ACOXL: variants seen among roughly 807,000 people sequenced by gnomAD.
ACOXL encodes the protein acyl-CoA oxidase like, also known as acyl-coenzyme A oxidase-like protein.
A neutral mutation model predicts 71.9 loss-of-function variants in ACOXL; 70 were observed. That is an observed-to-expected ratio of 0.97 (90% CI 0.80 to 1.19). The LOEUF (loss-of-function observed/expected upper bound fraction) is 1.19, where lower values mean the gene tolerates loss of function less well. Among genes scored for constraint, ACOXL ranks in the 50% most tolerant of loss-of-function variants. The pLI, the probability that ACOXL is intolerant of heterozygous loss-of-function variation, is 0.00. For synonymous variants in ACOXL, 253 were observed against 281.6 expected (o/e 0.90, Z 1.02); for missense variants, 703 against 736.3 (o/e 0.95, Z 0.52).
intron 1 of ACOXL, among the ~76,000 whole-genome samples, chr2:110,735,440 T>G (rs905109104): frequency 6.6e-5 from 10 of 152,092 alleles, no homozygotes; most frequent in African/African-American, 2.4e-4. Flanking sequence ...GTGTACATAG[T>G]GAGAAGTTTG....
intron 11 of ACOXL, among the ~76,000 whole-genome samples, chr2:110,920,295 T>G (rs908727330): frequency 3.3e-5 from 5 of 152,228 alleles, no homozygotes; most frequent in African/African-American, 1.2e-4. Context: ...TCTAATAGTT[T>G]GTAGCTTTAC....
At chr2:110,961,389 A>G (rs79139250) in intron 12 of ACOXL, among the ~76,000 whole-genome samples, 1 of 152,192 alleles carries the variant, frequency 6.6e-6, no homozygotes, top group Middle Eastern at 3.2e-3. Flanking sequence ...TTTAGAGACT[A>G]CTGGTGTCTG....
chr2:110,878,030 C>T (rs61544678), intron 10 of ACOXL, among the ~76,000 whole-genome samples: 3,449 of 152,310 alleles, frequency 0.023, 147 homozygotes, highest in African/African-American at 0.078. Flanking sequence ...TTTAAGCAAG[C>T]TCATTTTGAA....
chr2:111,008,962 T>A (rs2064003813), intron 14 of ACOXL, among the ~76,000 whole-genome samples: 1 of 152,194 alleles, frequency 6.6e-6, no homozygotes, highest in South Asian at 2.1e-4. Flanking sequence ...GGTCCATCAA[T>A]TTTGAAGAGT....
chr2:110,759,695 CTA>C (rs1329300719), intron 1 of ACOXL, among the ~76,000 whole-genome samples: 2 of 152,028 alleles, frequency 1.3e-5, no homozygotes, highest in Non-Finnish European at 2.9e-5. Flanking sequence ...GTTTTCCTGA[CTA>C]TTTTTGTTTG....
chr2:110,735,703 T>C (rs1676748532), intron 1 of ACOXL, among the ~76,000 whole-genome samples: 1 of 152,106 alleles, frequency 6.6e-6, no homozygotes, highest in Non-Finnish European at 1.5e-5. Context: ...CTGGCTGCTG[T>C]GCCCGCCCCT....
chr2:110,865,573 A>G (rs1055891498), intron 10 of ACOXL, among the ~76,000 whole-genome samples: 1 of 152,160 alleles, frequency 6.6e-6, no homozygotes, highest in Non-Finnish European at 1.5e-5. Context: ...ATTTCAGGAT[A>G]ATTATATCTA....
At chr2:110,970,653 T>G (rs1010452980) in intron 12 of ACOXL, among the ~76,000 whole-genome samples, 3 of 152,018 alleles carry the variant, frequency 2.0e-5, no homozygotes. Flanking sequence ...AATTAAAACA[T>G]AGAGATTAGA....
intron 10 of ACOXL, among the ~76,000 whole-genome samples, chr2:110,871,199 G>A (rs1573924958): frequency 3.3e-5 from 5 of 152,126 alleles, no homozygotes; most frequent in African/African-American, 1.2e-4. Context: ...AATCCCTTTC[G>A]GTGTGCCTGC....
At chr2:110,973,347 A>C (rs1345555341) in intron 12 of ACOXL, among the ~76,000 whole-genome samples, 1 of 152,252 alleles carries the variant, frequency 6.6e-6, no homozygotes, top group East Asian at 1.9e-4. Flanking sequence ...ATGTGTCAAA[A>C]CCTACCAAGA....
chr2:111,116,931 T>C (rs1837368), intron 17 of ACOXL, among the ~76,000 whole-genome samples: 65,578 of 152,090 alleles, frequency 0.43, 14,631 homozygotes, highest in Non-Finnish European at 0.48. Flanking sequence ...GAATGTCTTA[T>C]CCCTGCCTTC....
intron 16 of ACOXL, among the ~76,000 whole-genome samples, chr2:111,068,849 A>AT (rs1158621211): frequency 7.2e-5 from 11 of 152,278 alleles, no homozygotes; most frequent in East Asian, 3.9e-4. Flanking sequence ...CTGCTGTCAT[A>AT]TTTGATGACA....
intron 9 of ACOXL, among the ~76,000 whole-genome samples, chr2:110,807,038 T>C (rs929866790): frequency 6.6e-6 from 1 of 152,224 alleles, no homozygotes; most frequent in Non-Finnish European, 1.5e-5. Context: ...TCCGTTCTAC[T>C]GGATGTTATC....
intron 14 of ACOXL, among the ~76,000 whole-genome samples, chr2:111,021,044 G>A (rs986568955): frequency 5.3e-5 from 8 of 152,144 alleles, no homozygotes; most frequent in Admixed American, 3.9e-4. Flanking sequence ...TGCACCTCAG[G>A]GGCACGCCTC....
At chr2:111,020,881 A>C (rs962474237) in intron 14 of ACOXL, among the ~76,000 whole-genome samples, 1 of 152,202 alleles carries the variant, frequency 6.6e-6, no homozygotes, top group Non-Finnish European at 1.5e-5. Flanking sequence ...GTAAAAGCAG[A>C]ATGTCTTTCT....
chr2:111,095,935 C>T (rs994154031), intron 17 of ACOXL, among the ~76,000 whole-genome samples: 4 of 152,208 alleles, frequency 2.6e-5, no homozygotes, highest in African/African-American at 9.6e-5. Context: ...CTTCCTTTCC[C>T]ACTGCCACCA....
chr2:111,037,222 C>G (rs888449488), intron 15 of ACOXL, among the ~76,000 whole-genome samples: 2 of 152,148 alleles, frequency 1.3e-5, no homozygotes, highest in Admixed American at 6.5e-5. Flanking sequence ...CAGCTGGGCC[C>G]TAAGAAGACC....
intron 1 of ACOXL, among the ~76,000 whole-genome samples, chr2:110,744,622 A>G (rs1677966800): frequency 6.6e-6 from 1 of 152,080 alleles, no homozygotes; most frequent in African/African-American, 2.4e-5. Context: ...CTCCTCCCAC[A>G]CTTTGCCATA....
intron 14 of ACOXL, among the ~76,000 whole-genome samples, chr2:111,030,728 G>GCA (rs1491411685): frequency 3.9e-5 from 4 of 103,428 alleles, no homozygotes; most frequent in African/African-American, 1.5e-4. Context: ...ATTTCCTTGA[G>GCA]CACAAAAAAA....
Sources: gnomAD v4.1 joint callset for allele counts (sites outside exome capture counted in the v4.1 genomes callset) on GRCh38, gnomAD v4.1.1 for gene constraint, MANE v1.5 for transcripts, NCBI Gene and HGNC (gene_info 2026-07-23, HGNC 2026-07-21) for gene names.